The following CSDE1 variants were observed in gnomAD, a reference collection of about 807,000 sequenced individuals.
CSDE1 encodes cold shock domain-containing protein E1.
A neutral mutation model predicts 89.3 loss-of-function variants in CSDE1; 17 were observed. The observed-to-expected ratio is 0.19, with a 90% CI of 0.13 to 0.29. CSDE1 has a LOEUF of 0.29. CSDE1 is among the 10% of genes least tolerant of loss of function. CSDE1 has a pLI of 1.00. For synonymous variants in CSDE1, 322 were observed against 332.8 expected, an observed-to-expected ratio of 0.97 and a Z score of 0.35; for missense variants, 672 against 984.2, an observed-to-expected ratio of 0.68 and a Z score of 4.24.
At chr1:114,749,601 G>C (rs948547221) in intron 2 of CSDE1, among the ~76,000 whole-genome samples, 4 of 152,170 alleles carry the variant, frequency 2.6e-5, no homozygotes, top group African/African-American at 9.7e-5. Context: ...CAAGTCGAGA[G>C]ATCAGCATGT....
At chr1:114,753,867 G>A (rs1570963894) in intron 1 of CSDE1, among the ~76,000 whole-genome samples, 1 of 152,226 alleles carries the variant, frequency 6.6e-6, no homozygotes, top group African/African-American at 2.4e-5. Context: ...AGTGAGCTAT[G>A]ACTGTGCCAC....
intron 19 of CSDE1, 45 bp from the exon 20 acceptor site, chr1:114,718,261 C>A: frequency 6.3e-7 from 1 of 1,582,554 alleles, no homozygotes; most frequent in African/African-American, 1.4e-5. Context: ...ATGATTTGAG[C>A]GCACAACAAT....
At position 114,730,279 on chromosome 1, in the gene CSDE1, G is replaced by A. The variant is rs748983492; in HGVS notation, c.1335C>T (p.Ser445=). The change falls in exon 12 of 20, where the codon AGC becomes AGT. Residue 445 remains serine, a synonymous_variant. Coordinates refer to ENST00000358528, the MANE Select transcript of CSDE1 (RefSeq NM_001007553.3). ...EATFSNPKTT[S]PNKGKEKEAE... is the part of the protein sequence containing the mutation. ...CTACCTTCTCTTTGCCTTTATTTGG[G>A]CTAGTGGTTTTAGGATTGGAAAAAG... The A allele has an allele frequency of 5.0e-6, 8 of 1,613,622 alleles. No individual in the cohort carries two copies. In the Admixed American group the frequency reaches 8.3e-5, roughly 17 times the overall value.
At chr1:114,744,935 G>A (rs1361188391) in intron 2 of CSDE1, among the ~76,000 whole-genome samples, 3 of 152,006 alleles carry the variant, frequency 2.0e-5, no homozygotes, top group Non-Finnish European at 4.4e-5. Context: ...CTGATTAAGT[G>A]AGCAAATAAA....
intron 3 of CSDE1, 56 bp from the exon 4 acceptor site, chr1:114,738,128 T>A: frequency 7.7e-7 from 1 of 1,297,442 alleles, no homozygotes; most frequent in Non-Finnish European, 1.1e-6. Context: ...AACGATATAT[T>A]GCTTCCAAGC....
At chr1:114,726,912 A>G (rs1659829237) in intron 13 of CSDE1, 71 bp downstream of exon 13, 1 of 980,712 alleles carries the variant, frequency 1.0e-6, no homozygotes, top group Non-Finnish European at 1.6e-6. Flanking sequence ...AATTTGAAGA[A>G]CCCATCCTGC....
intron 2 of CSDE1, chr1:114,746,927 C>T (rs1661041721): frequency 6.6e-6 from 1 of 152,212 alleles, no homozygotes; most frequent in African/African-American, 2.4e-5. Flanking sequence ...ACACACCTAG[C>T]AACTAGCACC....
Position 114,719,939 on chromosome 1 carries a change from C to T in CSDE1, c.2053-197G>A, listed in dbSNP as rs373936030. Among the ~76,000 whole-genome samples the T allele has an allele frequency of 2.2e-4, 33 of 152,304 alleles. 1 individual carries two copies. In the South Asian group the frequency reaches 6.2e-3, roughly 29 times the overall value. On this transcript the variant is annotated intron_variant, in intron 17 of 19. Coordinates refer to ENST00000358528, the MANE Select transcript of CSDE1 (RefSeq NM_001007553.3). ...CCATTCACTATATCACAAACTTGAACCAAACAAATAAAACTTGCCTTGTTC... is the reference window on the plus strand; with the variant it reads ...CCATTCACTATATCACAAACTTGAATCAAACAAATAAAACTTGCCTTGTTC...
In CSDE1 at chr1:114,733,906, T is replaced by C. The variant is rs760168502; in HGVS notation, c.712-49A>G. ...GGTGGGGGGACAGAGGAAGGAAGAA[T>C]CACATAATTTTAAGTGTTTCTTAAA... On this transcript the variant is annotated intron_variant, in intron 8 of 19. Coordinates refer to ENST00000358528, the MANE Select transcript of CSDE1 (RefSeq NM_001007553.3). 4 of 1,607,934 alleles carry C rather than the reference T, an allele frequency of 2.5e-6. No homozygotes were observed. In the Admixed American group the frequency reaches 5.1e-5, roughly 20 times the overall value.
At chr1:114,744,365 G>A (rs1272578189) in intron 2 of CSDE1, among the ~76,000 whole-genome samples, 1 of 152,086 alleles carries the variant, frequency 6.6e-6, no homozygotes, top group Non-Finnish European at 1.5e-5. Context: ...CAGATCACCT[G>A]AGCCCAGGAA....
At chr1:114,757,578 G>A (rs901660188) in intron 1 of CSDE1, among the ~76,000 whole-genome samples, 4 of 152,052 alleles carry the variant, frequency 2.6e-5, no homozygotes, top group African/African-American at 9.7e-5. Flanking sequence ...ACAGATCCCA[G>A]CAGCCTCCGC....
At chr1:114,737,850 A>G (rs912075041) in intron 4 of CSDE1, 113 bp downstream of exon 4, 34 of 748,110 alleles carry the variant, frequency 4.5e-5, no homozygotes, top group South Asian at 3.8e-4. Flanking sequence ...ATCTTTATAT[A>G]CTATAGCTCT....
chr1:114,730,894 C>T (rs1660061312), intron 10 of CSDE1, among the ~76,000 whole-genome samples: 1 of 152,170 alleles, frequency 6.6e-6, no homozygotes, highest in Non-Finnish European at 1.5e-5. Context: ...GAAAAAATTA[C>T]CACATGTGAA....
intron 2 of CSDE1, among the ~76,000 whole-genome samples, chr1:114,743,536 A>T (rs1300967913): frequency 1.3e-5 from 2 of 152,166 alleles, no homozygotes; most frequent in African/African-American, 4.8e-5. Context: ...TTACTATTAA[A>T]CAAGAACACA....
chr1:114,718,140 TG>T lies in CSDE1; in HGVS notation c.*28del. 3 of 1,612,998 alleles carry T rather than the reference TG, an allele frequency of 1.9e-6. No homozygotes were observed. The highest frequency in any genetic ancestry group is 2.5e-6 in the Non-Finnish European group (3 of 1,179,210). On this transcript the variant is annotated 3_prime_UTR_variant, in exon 20 of 20. Transcript: ENST00000358528. ...CAGATTCCCCCCAACTTGATCATAGTGGATTAATGGTGTGCTTTGTGGATGT... is the reference window on the plus strand; with the variant it reads ...CAGATTCCCCCCAACTTGATCATAGTGATTAATGGTGTGCTTTGTGGATGT...
Position 114,718,191 on chromosome 1 carries a change from C to CG in CSDE1, c.2374dup (p.Arg792ProfsTer7). ...TGGTTAGTCAATGACACCAGCTTGA[C>CG]GGATCTTTCTTTCTGCACCAAACCC... On this transcript the variant is annotated frameshift_variant, in exon 20 of 20. Transcript: ENST00000358528. LOFTEE classifies it high-confidence loss of function. The CG allele has an allele frequency of 6.2e-7, 1 of 1,613,756 alleles. No individual in the cohort carries two copies. Among genetic ancestry groups the CG allele is most frequent in the Non-Finnish European group, 8.5e-7 (1 of 1,179,948 alleles).
Position 114,717,865 on chromosome 1 carries a change from A to G in CSDE1, c.*304T>C. On this transcript the variant is annotated 3_prime_UTR_variant, in exon 20 of 20. Coordinates refer to ENST00000358528, the MANE Select transcript of CSDE1 (RefSeq NM_001007553.3). The stretch of plus-strand genomic sequence containing the variant: ...AACAGTCTATATTTTTCACTTACAC[A>G]GGCAAAGTGGATTCTGCAATTACCA... 5.6e-6 allele frequency: 2 copies of G among 359,348 alleles called. No individual in the cohort carries two copies. Among genetic ancestry groups the G allele is most frequent in the African/African-American group, 2.1e-5 (1 of 47,838 alleles). The allele number at this position is 359,348 out of a possible 1,614,324, so 22.3% of individuals were successfully genotyped here. A position where few individuals can be genotyped will look rare whatever the true frequency, so the allele number is the denominator to read the frequency against.
rs748586826 is a variant in CSDE1, at chr1:114,723,848, C to G, written c.1873+35G>C. ...TATAGGTGCTCATCTGAAGTTATGG[C>G]AAATTTCAAACAGCCTGATAGTGAT... On this transcript the variant is annotated intron_variant, in intron 16 of 19. Coordinates refer to ENST00000358528, the MANE Select transcript of CSDE1 (RefSeq NM_001007553.3). 2.5e-6 allele frequency: 4 copies of G among 1,612,830 alleles called. No individual in the cohort carries two copies. In the South Asian group the frequency reaches 4.4e-5, roughly 18 times the overall value.
intron 15 of CSDE1, 134 bp from the exon 16 acceptor site, chr1:114,724,136 C>T (rs1251784971): frequency 1.2e-6 from 1 of 838,716 alleles, no homozygotes; most frequent in Non-Finnish European, 1.8e-6. Context: ...GGGTAGGGAA[C>T]CTGAAGCCAA....
Sources: allele counts gnomAD v4.1 joint callset (sites outside exome capture counted in the v4.1 genomes callset), GRCh38; gene constraint gnomAD v4.1.1; transcripts MANE v1.5; gene names NCBI Gene and HGNC (gene_info 2026-07-23, HGNC 2026-07-21).